B3GALT1: variants seen among roughly 807,000 people sequenced by gnomAD.
B3GALT1 encodes the protein UDP-Gal:betaGlcNAc beta 1,3-galactosyltransferase, polypeptide 1.
A neutral mutation model predicts 23.2 loss-of-function variants in B3GALT1; 10 were observed. The ratio of observed to expected loss-of-function variants is 0.43; its 90% CI spans 0.27 to 0.73. The LOEUF is 0.73. Among genes scored for constraint, B3GALT1 ranks in the 30% least tolerant of loss-of-function variants. The pLI is 0.21. For missense variants in B3GALT1, 299 were observed against 405.4 expected, an observed-to-expected ratio of 0.74 and a Z score of 2.25; for synonymous variants, 156 against 141.5, an observed-to-expected ratio of 1.10 and a Z score of -0.73.
chr2:167,683,867 T>G (rs1686575190), intron 3 of B3GALT1, among the ~76,000 whole-genome samples: 1 of 152,254 alleles, frequency 6.6e-6, no homozygotes, highest in Non-Finnish European at 1.5e-5. Context: ...TATTTTATTT[T>G]TTGTGTTTTG....
At chr2:167,545,937 A>G (rs1296458843) in intron 2 of B3GALT1, among the ~76,000 whole-genome samples, 1 of 152,198 alleles carries the variant, frequency 6.6e-6, no homozygotes, top group African/African-American at 2.4e-5. Context: ...TAAATACAAA[A>G]TTCATTTATG....
chr2:167,523,595 T>C (rs1012615144), intron 2 of B3GALT1, among the ~76,000 whole-genome samples: 2 of 152,088 alleles, frequency 1.3e-5, no homozygotes, highest in African/African-American at 2.4e-5. Context: ...CCAGCTAATT[T>C]TGTATTTTTA....
At chr2:167,755,606 G>A (rs1687804116) in intron 3 of B3GALT1, among the ~76,000 whole-genome samples, 2 of 151,586 alleles carry the variant, frequency 1.3e-5, no homozygotes, top group Admixed American at 1.3e-4. Flanking sequence ...AGAGAAATGT[G>A]GACAAATTTG....
intron 3 of B3GALT1, among the ~76,000 whole-genome samples, chr2:167,685,142 T>C (rs1686597479): frequency 1.3e-5 from 2 of 152,212 alleles, no homozygotes; most frequent in African/African-American, 4.8e-5. Flanking sequence ...CTTAGACAAA[T>C]TCAGACTGCC....
At chr2:167,698,148 C>T (rs1331595815) in intron 3 of B3GALT1, among the ~76,000 whole-genome samples, 1 of 152,026 alleles carries the variant, frequency 6.6e-6, no homozygotes, top group Admixed American at 6.6e-5. Context: ...ATCACTTAAC[C>T]GCATGGTTTT....
chr2:167,509,569 G>A (rs1459122365), intron 2 of B3GALT1, among the ~76,000 whole-genome samples: 11 of 152,080 alleles, frequency 7.2e-5, no homozygotes, highest in East Asian at 1.9e-4. Context: ...TAAGATGGCC[G>A]AAGAAGCCCT....
At chr2:167,841,228 A>G (rs13396939) in intron 4 of B3GALT1, among the ~76,000 whole-genome samples, 4,622 of 151,882 alleles carry the variant, frequency 0.03, 239 homozygotes, top group African/African-American at 0.11. Context: ...ACAAAGAAAA[A>G]AAAAAAAAAG....
intron 3 of B3GALT1, among the ~76,000 whole-genome samples, chr2:167,751,111 A>G (rs1355691992): frequency 2.0e-5 from 3 of 152,204 alleles, no homozygotes; most frequent in Non-Finnish European, 2.9e-5. Context: ...TTACAAAAAT[A>G]GCAAGCTAGA....
intron 2 of B3GALT1, among the ~76,000 whole-genome samples, chr2:167,557,310 T>A (rs937015723): frequency 4.7e-4 from 72 of 152,162 alleles, no homozygotes; most frequent in African/African-American, 1.7e-3. Context: ...ATGTCACCTT[T>A]TCTAATAAAA....
chr2:167,806,789 G>T (rs1224879214), intron 3 of B3GALT1, among the ~76,000 whole-genome samples: 1 of 152,164 alleles, frequency 6.6e-6, no homozygotes, highest in Middle Eastern at 3.4e-3. Context: ...TTTTTGTTGT[G>T]TCTCTGCCAG....
rs1483713580 is a variant in B3GALT1, at chr2:167,729,438, A to G, written c.-352+82472A>G. On this transcript the variant is annotated intron_variant, in intron 3 of 4. Coordinates refer to ENST00000392690, the MANE Select transcript of B3GALT1 (RefSeq NM_020981.4). Reference sequence around the variant, plus strand: ...GAGCTGTGGGGAAATGGAGGAGCACATAGGTCCCTGAAACACCAGCTCAGA... The same window carrying G: ...GAGCTGTGGGGAAATGGAGGAGCACGTAGGTCCCTGAAACACCAGCTCAGA... 3.9e-5 allele frequency among the ~76,000 whole-genome samples: 6 copies of G among 152,198 alleles called. No homozygotes were observed. In the East Asian group the frequency reaches 1.2e-3, roughly 29 times the overall value.
At chr2:167,306,331 A>G (rs1362334599) in intron 1 of B3GALT1, among the ~76,000 whole-genome samples, 1 of 152,064 alleles carries the variant, frequency 6.6e-6, no homozygotes, top group Non-Finnish European at 1.5e-5. Context: ...ATAATATGGT[A>G]CAAAATTACG....
At chr2:167,507,525 A>G (rs1405068916) in intron 2 of B3GALT1, among the ~76,000 whole-genome samples, 1 of 149,704 alleles carries the variant, frequency 6.7e-6, no homozygotes, top group Non-Finnish European at 1.5e-5. Context: ...AAAAAAAAAA[A>G]AAAAAGTAGA....
intron 1 of B3GALT1, among the ~76,000 whole-genome samples, chr2:167,342,603 GAAAA>G (rs528340680): frequency 1.4e-5 from 2 of 144,512 alleles, no homozygotes; most frequent in African/African-American, 2.6e-5. Flanking sequence ...AAAAAAAAAA[GAAAA>G]AAAAACAAAA....
chr2:167,580,595 AC>A (rs1684466146), intron 2 of B3GALT1, among the ~76,000 whole-genome samples: 1 of 152,122 alleles, frequency 6.6e-6, no homozygotes, highest in African/African-American at 2.4e-5. Flanking sequence ...AGAAATGCAG[AC>A]CACTCTCTGT....
chr2:167,301,195 T>G (rs1696439975), intron 1 of B3GALT1, among the ~76,000 whole-genome samples: 1 of 152,248 alleles, frequency 6.6e-6, no homozygotes, highest in Non-Finnish European at 1.5e-5. Flanking sequence ...TCATTGATGT[T>G]TACAGAATTC....
In B3GALT1 at chr2:167,869,136, A is replaced by C; in HGVS notation, c.97A>C (p.Thr33Pro). ...LSITRPTSSY[T>P]GSKPFSHLTV... ...TATAACTCGCCCTACTTCTTCTTAC[A>C]CTGGCTCCAAACCATTCAGCCACCT... Residue 33 changes from threonine to proline, a missense_variant, in exon 5 of 5, where the codon ACT becomes CCT. This residue lies in a region of B3GALT1 where 162 missense variants were observed against 184.1 expected (regional missense o/e 0.88). Coordinates refer to ENST00000392690, the MANE Select transcript of B3GALT1 (RefSeq NM_020981.4). This position sits in a 1 kb window ranked among gnomAD's most constrained non-coding sequence, Gnocchi z 6.4. The C allele has an allele frequency of 6.2e-7, 1 of 1,614,194 alleles. No homozygotes were observed.
At chr2:167,524,433 G>A (rs2105363776) in intron 2 of B3GALT1, among the ~76,000 whole-genome samples, 1 of 152,096 alleles carries the variant, frequency 6.6e-6, no homozygotes, top group East Asian at 1.9e-4. Context: ...CTTTCCCAAT[G>A]GCTATAAACT....
At chr2:167,428,195 A>T (rs1219348030) in intron 1 of B3GALT1, among the ~76,000 whole-genome samples, 1 of 152,260 alleles carries the variant, frequency 6.6e-6, no homozygotes, top group Non-Finnish European at 1.5e-5. Flanking sequence ...ATGGAACTAG[A>T]AATAAAATTA....
Sources: gnomAD v4.1 joint callset for allele counts (sites outside exome capture counted in the v4.1 genomes callset) on GRCh38, gnomAD v4.1.1 for gene constraint, gnomAD v4.1.1 regional missense constraint, Gnocchi (gnomAD v3.1) non-coding constraint, MANE v1.5 for transcripts, NCBI Gene and HGNC (gene_info 2026-07-23, HGNC 2026-07-21) for gene names.